Variants in CMKLR2 observed in about 807,000 individuals in gnomAD.
The protein encoded by CMKLR2 is chemerin-like receptor 2.
In CMKLR2, 18 loss-of-function variants were observed where a neutral mutation model predicts 23.0. The observed-to-expected ratio is 0.78, with a 90% CI of 0.54 to 1.16. CMKLR2 has a LOEUF of 1.16. CMKLR2 is among the 50% of genes most tolerant of loss of function. The probability of loss-of-function intolerance (pLI) is 0.00; values close to 1 mark genes in which losing one functional copy is unlikely to be tolerated. For missense variants in CMKLR2, 401 were observed against 412.7 expected, an observed-to-expected ratio of 0.97 and a Z score of 0.25; for synonymous variants, 158 against 158.9, an observed-to-expected ratio of 0.99 and a Z score of 0.05.
intron 1 of CMKLR2, among the ~76,000 whole-genome samples, chr2:206,188,380 CT>C (rs1688647841): frequency 6.6e-6 from 1 of 152,216 alleles, no homozygotes. Flanking sequence ...CAGGATAAGG[CT>C]TTTCGACTTG....
chr2:206,181,555 T>A (rs1371913214), intron 1 of CMKLR2, among the ~76,000 whole-genome samples: 1 of 152,230 alleles, frequency 6.6e-6, no homozygotes, highest in African/African-American at 2.4e-5. Flanking sequence ...ATCAAAAGCC[T>A]TACTAATGAC....
chr2:206,200,635 A>G lies in CMKLR2; in HGVS notation c.-29+12672T>C, dbSNP rs538834707. Among the ~76,000 whole-genome samples, 23 of 152,264 alleles carry G rather than the reference A, an allele frequency of 1.5e-4. No homozygotes were observed. The South Asian group carries it at 4.8e-3, about 32-fold the overall frequency. On this transcript the variant is annotated intron_variant, in intron 1 of 1. Coordinates refer to ENST00000621141, the MANE Select transcript of CMKLR2 (RefSeq NM_001389445.1). Reference sequence around the variant, plus strand: ...CATAACACAAGCACTTTTCCTTTTTATTTATTTTTATAGAGATGGGATCTT... The same window carrying G: ...CATAACACAAGCACTTTTCCTTTTTGTTTATTTTTATAGAGATGGGATCTT...
At chr2:206,215,353 C>G (rs756202429), upstream of CMKLR2, among the ~76,000 whole-genome samples, 1 of 152,178 alleles carries the variant, frequency 6.6e-6, no homozygotes, top group South Asian at 2.1e-4. Context: ...ACAATTTCAT[C>G]TGTAAAAGCC....
At chr2:206,203,817 C>T (rs1465672576) in intron 1 of CMKLR2, 2 of 152,178 alleles carry the variant, frequency 1.3e-5, no homozygotes, top group Non-Finnish European at 2.9e-5. Context: ...TTCCTGTTTT[C>T]TTATTTGTAG....
At chr2:206,189,639 G>GAAAA (rs559698014) in intron 1 of CMKLR2, among the ~76,000 whole-genome samples, 2 of 111,904 alleles carry the variant, frequency 1.8e-5, no homozygotes, top group South Asian at 5.4e-4. Context: ...CATCTAAAAA[G>GAAAA]AAAAAAAAAA....
intron 1 of CMKLR2, among the ~76,000 whole-genome samples, chr2:206,210,434 T>C (rs1235304098): frequency 6.6e-6 from 1 of 151,796 alleles, no homozygotes; most frequent in Non-Finnish European, 1.5e-5. Flanking sequence ...GTCTTTGCTA[T>C]TGTGAATAGC....
chr2:206,189,639 GAA>G (rs559698014), intron 1 of CMKLR2, among the ~76,000 whole-genome samples: 1 of 111,898 alleles, frequency 8.9e-6, no homozygotes, highest in Admixed American at 9.1e-5. Flanking sequence ...CATCTAAAAA[GAA>G]AAAAAAAAAA....
chr2:206,195,264 T>C (rs868332072), intron 1 of CMKLR2, among the ~76,000 whole-genome samples: 1 of 152,168 alleles, frequency 6.6e-6, no homozygotes, highest in African/African-American at 2.4e-5. Flanking sequence ...GTTGGAATGC[T>C]TAAGGAACCA....
At chr2:206,216,865 A>T (rs148232470), upstream of CMKLR2, among the ~76,000 whole-genome samples, 25 of 152,284 alleles carry the variant, frequency 1.6e-4, no homozygotes, top group African/African-American at 6.0e-4. Flanking sequence ...CCCTCCCATC[A>T]ACCCCATGAG....
intron 1 of CMKLR2, among the ~76,000 whole-genome samples, chr2:206,196,274 C>T (rs1434689860): frequency 2.0e-5 from 3 of 151,500 alleles, no homozygotes; most frequent in Middle Eastern, 3.2e-3. Context: ...ACTTGGAGGT[C>T]GAGGCAGGAG....
At position 206,178,645 on chromosome 2, in the gene CMKLR2, TTTTG is replaced by T. The variant is rs1243931860; in HGVS notation, c.-28-1374_-28-1371del. On this transcript the variant is annotated intron_variant, in intron 1 of 1. Coordinates refer to ENST00000621141, the MANE Select transcript of CMKLR2 (RefSeq NM_001389445.1). ...TTTTTGAGACAGCCTTCTATTTTTG[TTTTG>T]TTTGTTTGTTTGTTTGTTTTTTTGA... Among the ~76,000 whole-genome samples, 624 of 152,148 alleles carry T rather than the reference TTTTG, an allele frequency of 4.1e-3. 12 individuals are homozygous for T. Among genetic ancestry groups the T allele is most frequent in the African/African-American group, 0.014 (586 of 41,500 alleles).
chr2:206,217,700 G>C (rs1689798705), upstream of CMKLR2: 1 of 152,154 alleles, frequency 6.6e-6, no homozygotes, highest in Non-Finnish European at 1.5e-5. Context: ...ATTCAAAAGA[G>C]ATCCAGATAC....
chr2:206,180,734 CATTATT>C (rs58356678), intron 1 of CMKLR2, among the ~76,000 whole-genome samples: 15 of 130,556 alleles, frequency 1.1e-4, no homozygotes, highest in Admixed American at 2.5e-4. Context: ...GTGCCCAGCC[CATTATT>C]ATTATTATTA....
Position 206,177,067 on chromosome 2 carries a change from A to T in CMKLR2, c.181T>A (p.Trp61Arg). The T allele has an allele frequency of 3.1e-6, 5 of 1,614,232 alleles. No individual in the cohort carries two copies. Among genetic ancestry groups the T allele is most frequent in the Non-Finnish European group, 4.2e-6 (5 of 1,180,036 alleles). The stretch of plus-strand genomic sequence containing the variant: ...TTCTTCCACTTGAACCCCGTGAACC[A>T]AATGACGATGGCATTTCCTGGAATT... ...LGIPGNAIVIWFTGFKWKKTV... is the reference protein window; with the variant it reads ...LGIPGNAIVIRFTGFKWKKTV... The change falls in exon 2 of 2, where the codon TGG becomes AGG. Residue 61 changes from tryptophan (W) to arginine (R), a missense_variant. Physicochemically the swap from Trp to Arg is moderately radical, Grantham distance 101. Transcript: ENST00000621141.
At chr2:206,191,147 G>C (rs1389995991) in intron 1 of CMKLR2, among the ~76,000 whole-genome samples, 3 of 152,174 alleles carry the variant, frequency 2.0e-5, no homozygotes, top group Non-Finnish European at 4.4e-5. Flanking sequence ...AGTCCTTCCT[G>C]TTTCTGGCTG....
intron 1 of CMKLR2, among the ~76,000 whole-genome samples, chr2:206,191,097 TCTATGGGTTGTAGAATTAGA>T (rs1209332659): frequency 1.3e-5 from 2 of 152,176 alleles, no homozygotes; most frequent in East Asian, 3.8e-4. Context: ...AATATCGTGG[TCTATGGGTTGTAGAATTAGA>T]CTGCCTGCTC....
At chr2:206,178,244 A>G (rs1688294420) in intron 1 of CMKLR2, among the ~76,000 whole-genome samples, 1 of 152,184 alleles carries the variant, frequency 6.6e-6, no homozygotes, top group Non-Finnish European at 1.5e-5. Context: ...CAGCCTGGGC[A>G]ACAGAGCAGG....
In CMKLR2 at chr2:206,177,188, G is replaced by C. The variant is rs764046928; in HGVS notation, c.60C>G (p.Asp20Glu). The C allele has an allele frequency of 6.2e-7, 1 of 1,613,576 alleles. No individual in the cohort carries two copies. The highest frequency in any genetic ancestry group is 8.5e-7 in the Non-Finnish European group (1 of 1,179,726). ...CCAAATCAGACTCCAGAGAGTAATA[G>C]TCTAGGTCATAGGAATAGTTTTCAA... ...EEFENYSYDLDYYSLESDLEE... is the reference protein window; with the variant it reads ...EEFENYSYDLEYYSLESDLEE... Residue 20 changes from aspartate (D) to glutamate (E), a missense_variant, in exon 2 of 2, where the codon GAC becomes GAG. Coordinates refer to ENST00000621141, the MANE Select transcript of CMKLR2 (RefSeq NM_001389445.1).
intron 1 of CMKLR2, among the ~76,000 whole-genome samples, chr2:206,197,215 A>G (rs1257038730): frequency 1.3e-5 from 2 of 152,056 alleles, no homozygotes; most frequent in African/African-American, 2.4e-5. Flanking sequence ...GCCCAAATGC[A>G]TATTCTTTAC....
Sources: gnomAD v4.1 joint callset for allele counts (sites outside exome capture counted in the v4.1 genomes callset) on GRCh38, gnomAD v4.1.1 for gene constraint, MANE v1.5 for transcripts, NCBI Gene and HGNC (gene_info 2026-07-23, HGNC 2026-07-21) for gene names.